GTF2F2: variants seen among roughly 807,000 people sequenced by gnomAD.
GTF2F2 encodes ATP-dependent helicase GTF2F2.
GTF2F2 carries 23 observed loss-of-function variants against 42.2 expected under a neutral mutation model. The ratio of observed to expected loss-of-function variants is 0.55; its 90% CI spans 0.39 to 0.77. GTF2F2 has a LOEUF of 0.77. GTF2F2 is among the 30% of genes least tolerant of loss of function. The pLI, the probability that GTF2F2 is intolerant of heterozygous loss-of-function variation, is 0.00. For missense variants in GTF2F2, 261 were observed against 287.2 expected (o/e 0.91, Z 0.66); for synonymous variants, 105 against 100.8 (o/e 1.04, Z -0.25).
intron 6 of GTF2F2, among the ~76,000 whole-genome samples, chr13:45,259,867 GGCGTGA>G (rs1043784880): frequency 9.2e-5 from 14 of 152,062 alleles, no homozygotes; most frequent in Admixed American, 7.9e-4. Flanking sequence ...TGGGATTATA[GGCGTGA>G]GCCACTGCGC....
At position 45,252,963 on chromosome 13, in the gene GTF2F2, A is replaced by G; in HGVS notation, c.479A>G (p.Gln160Arg). 1 of 1,306,198 alleles carries G rather than the reference A, an allele frequency of 7.7e-7. No individual in the cohort carries two copies. The highest frequency in any genetic ancestry group is 1.5e-5 in the South Asian group (1 of 68,438). 80.9% of individuals were successfully genotyped at this position (1,306,198 alleles called of 1,614,324 possible). The change falls in exon 6 of 8, where the codon CAA (glutamine) becomes CGA (arginine). Residue 160 changes from glutamine (Q) to arginine (R), a missense_variant. By Grantham distance (43) the Gln-to-Arg change is conservative (BLOSUM62 1). Coordinates refer to ENST00000340473, the MANE Select transcript of GTF2F2 (RefSeq NM_004128.3). Reference sequence around the variant, plus strand: ...AATTACAAACCTGTTGCTAATCATCAATACAATGTAAGTCTTCTGCTTGTC... The same window carrying G: ...AATTACAAACCTGTTGCTAATCATCGATACAATGTAAGTCTTCTGCTTGTC... ...TTNYKPVANH[Q>R]YNIEYERKKK... is the part of the protein sequence containing the mutation.
intron 7 of GTF2F2, among the ~76,000 whole-genome samples, chr13:45,271,712 T>C (rs1270171484): frequency 1.3e-5 from 2 of 152,102 alleles, no homozygotes; most frequent in Non-Finnish European, 2.9e-5. Context: ...CCACCATGCC[T>C]GGCTAATATT....
chr13:45,152,237 A>AT (rs1267005572), intron 4 of GTF2F2, among the ~76,000 whole-genome samples: 1 of 152,058 alleles, frequency 6.6e-6, no homozygotes, highest in African/African-American at 2.4e-5. Context: ...TTTTAAGGTC[A>AT]TTACCAATAC....
intron 4 of GTF2F2, among the ~76,000 whole-genome samples, chr13:45,191,254 T>G (rs867553339): frequency 1.5e-5 from 2 of 136,332 alleles, no homozygotes; most frequent in African/African-American, 2.9e-5. Context: ...TATATATATA[T>G]AGCCATAATC....
At chr13:45,145,698 A>G (rs1326486950) in intron 2 of GTF2F2, among the ~76,000 whole-genome samples, 6 of 152,186 alleles carry the variant, frequency 3.9e-5, no homozygotes, top group Admixed American at 1.3e-4. Flanking sequence ...TGTCCTTAAT[A>G]TAGTTACTTA....
chr13:45,240,451 T>TGAA (rs1875232398), intron 5 of GTF2F2, among the ~76,000 whole-genome samples: 1 of 152,182 alleles, frequency 6.6e-6, no homozygotes. Context: ...AAGGGTTTTC[T>TGAA]GTTGGTTTGG....
chr13:45,256,657 A>G (rs1375732894), intron 6 of GTF2F2, among the ~76,000 whole-genome samples: 1 of 152,204 alleles, frequency 6.6e-6, no homozygotes, highest in Non-Finnish European at 1.5e-5. Context: ...TCAGTATTGT[A>G]GTGTAATACC....
At chr13:45,217,247 G>A (rs1409004897) in intron 5 of GTF2F2, among the ~76,000 whole-genome samples, 4 of 147,926 alleles carry the variant, frequency 2.7e-5, no homozygotes, top group Admixed American at 6.8e-5. Context: ...ACAGTGAGCC[G>A]AGATCACGCC....
chr13:45,142,011 A>C (rs895625401), intron 2 of GTF2F2, among the ~76,000 whole-genome samples: 3 of 152,096 alleles, frequency 2.0e-5, no homozygotes, highest in African/African-American at 7.2e-5. Context: ...ACTTTGTTGC[A>C]TCTTGATCTC....
intron 5 of GTF2F2, among the ~76,000 whole-genome samples, chr13:45,231,533 A>G (rs1020863563): frequency 6.6e-6 from 1 of 152,250 alleles, no homozygotes; most frequent in African/African-American, 2.4e-5. Context: ...CCACAGAGCA[A>G]TGAATCAATA....
chr13:45,137,364 C>G (rs1566110887), intron 2 of GTF2F2, among the ~76,000 whole-genome samples: 1 of 152,230 alleles, frequency 6.6e-6, no homozygotes, highest in East Asian at 1.9e-4. Flanking sequence ...TCATTCTTAA[C>G]CAACTCCATT....
chr13:45,203,551 C>T (rs1256513400), intron 4 of GTF2F2, among the ~76,000 whole-genome samples: 1 of 152,122 alleles, frequency 6.6e-6, no homozygotes, highest in East Asian at 1.9e-4. Flanking sequence ...TACAACTTAA[C>T]TTTATATCAT....
chr13:45,222,294 TGTTAACAAAA>T (rs574805769), intron 5 of GTF2F2, among the ~76,000 whole-genome samples: 10 of 152,202 alleles, frequency 6.6e-5, no homozygotes, highest in Non-Finnish European at 1.3e-4. Context: ...AATGTTTTTC[TGTTAACAAAA>T]GGAATACATA....
intron 5 of GTF2F2, among the ~76,000 whole-genome samples, chr13:45,235,874 G>A (rs1874952294): frequency 6.6e-6 from 1 of 151,980 alleles, no homozygotes; most frequent in South Asian, 2.1e-4. Flanking sequence ...CAAAGTGCTG[G>A]GATTACAGGG....
chr13:45,159,776 T>C (rs1870947114), intron 4 of GTF2F2, among the ~76,000 whole-genome samples: 1 of 152,176 alleles, frequency 6.6e-6, no homozygotes, highest in South Asian at 2.1e-4. Context: ...CCTGGCCATG[T>C]TTTCATTTTT....
At chr13:45,238,844 T>C (rs1875133106) in intron 5 of GTF2F2, among the ~76,000 whole-genome samples, 1 of 148,736 alleles carries the variant, frequency 6.7e-6, no homozygotes, top group Non-Finnish European at 1.5e-5. Context: ...TTTGGGAGGC[T>C]GAGGCAGGAG....
At chr13:45,256,771 G>A (rs1876120263) in intron 6 of GTF2F2, among the ~76,000 whole-genome samples, 1 of 152,094 alleles carries the variant, frequency 6.6e-6, no homozygotes, top group Admixed American at 6.5e-5. Context: ...GAATGATTTA[G>A]AGGAAGCATA....
At chr13:45,242,886 A>C (rs1263879634) in intron 5 of GTF2F2, among the ~76,000 whole-genome samples, 1 of 152,200 alleles carries the variant, frequency 6.6e-6, no homozygotes, top group East Asian at 1.9e-4. Context: ...ATCTGCCAGC[A>C]GTTTAGATTG....
chr13:45,275,618 C>A (rs1877000567), intron 7 of GTF2F2, among the ~76,000 whole-genome samples: 1 of 152,068 alleles, frequency 6.6e-6, no homozygotes, highest in South Asian at 2.1e-4. Flanking sequence ...CATGTCCCTA[C>A]AAAGGACATG....
Sources: gnomAD v4.1 joint callset for allele counts (sites outside exome capture counted in the v4.1 genomes callset) on GRCh38, gnomAD v4.1.1 for gene constraint, MANE v1.5 for transcripts, NCBI Gene and HGNC (gene_info 2026-07-23, HGNC 2026-07-21) for gene names.